Variants in CTNNA3 observed in about 807,000 individuals in gnomAD.
CTNNA3 encodes catenin alpha-3.
CTNNA3 carries 76 observed loss-of-function variants against 95.7 expected under a neutral mutation model. The observed-to-expected ratio is 0.79, with a 90% CI of 0.66 to 0.96. The LOEUF is 0.96. Among genes scored for constraint, CTNNA3 ranks in the 40% least tolerant of loss-of-function variants. The pLI, the probability that CTNNA3 is intolerant of heterozygous loss-of-function variation, is 0.00. For missense variants in CTNNA3, 1,191 were observed against 1,089.8 expected (o/e 1.09, Z -1.31); for synonymous variants, 431 against 374.4 (o/e 1.15, Z -1.74).
intron 11 of CTNNA3, among the ~76,000 whole-genome samples, chr10:66,501,819 C>G (rs2131965987): frequency 6.6e-6 from 1 of 152,148 alleles, no homozygotes; most frequent in African/African-American, 2.4e-5. Flanking sequence ...GTCTGTCATG[C>G]AGATTTGCTT....
At chr10:66,861,034 C>G (rs1451574354) in intron 7 of CTNNA3, among the ~76,000 whole-genome samples, 1 of 152,168 alleles carries the variant, frequency 6.6e-6, no homozygotes, top group East Asian at 1.9e-4. Context: ...TCAGGGAATT[C>G]ATTGCAGTCA....
rs189551466 is a variant in CTNNA3, at chr10:66,444,697, C to T, written c.1532-65345G>A. 5.0e-3 allele frequency among the ~76,000 whole-genome samples: 768 copies of T among 152,262 alleles called. 16 individuals are homozygous for T. Among genetic ancestry groups the T allele is most frequent in the African/African-American group, 0.018 (746 of 41,550 alleles). On this transcript the variant is annotated intron_variant, in intron 11 of 17. Transcript: ENST00000433211. ...AAGCACTAAACATGGAAAGCAACAACCGGTACCAGCCACTGCAAAAACATA... is the reference window on the plus strand; with the variant it reads ...AAGCACTAAACATGGAAAGCAACAATCGGTACCAGCCACTGCAAAAACATA...
At chr10:67,199,396 G>C (rs755018885) in intron 6 of CTNNA3, among the ~76,000 whole-genome samples, 5 of 151,766 alleles carry the variant, frequency 3.3e-5, no homozygotes, top group Non-Finnish European at 5.9e-5. Flanking sequence ...TCCAGATGGA[G>C]TTTCGCTCTG....
intron 14 of CTNNA3, among the ~76,000 whole-genome samples, chr10:66,094,947 G>T (rs1243033515): frequency 6.6e-6 from 1 of 152,132 alleles, no homozygotes; most frequent in African/African-American, 2.4e-5. Context: ...CCTGAGTTTA[G>T]ATTTGTGCAA....
intron 5 of CTNNA3, among the ~76,000 whole-genome samples, chr10:67,235,396 A>C (rs1865407948): frequency 6.6e-6 from 1 of 152,236 alleles, no homozygotes; most frequent in Admixed American, 6.5e-5. Context: ...CAAACCTGAG[A>C]AAAACAAACA....
rs180780439 is a variant in CTNNA3, at chr10:66,414,084, T to C, written c.1532-34732A>G. On this transcript the variant is annotated intron_variant, in intron 11 of 17. Coordinates refer to ENST00000433211, the MANE Select transcript of CTNNA3 (RefSeq NM_013266.4). ...ATTCTCCTAAATTTATTCTTCTTTT[T>C]TGTTTGTTTATTGGTGAAACAAAAG... Among the ~76,000 whole-genome samples the C allele has an allele frequency of 4.6e-3, 701 of 152,276 alleles. 4 individuals carry two copies. The highest frequency in any genetic ancestry group is 7.1e-3 in the Admixed American group (109 of 15,290).
intron 7 of CTNNA3, among the ~76,000 whole-genome samples, chr10:66,780,401 TATAATAG>T (rs1309925509): frequency 3.5e-5 from 3 of 86,392 alleles, no homozygotes; most frequent in African/African-American, 1.2e-4. Context: ...TTAAGGACTC[TATAATAG>T]AGTAACCTGG....
At position 66,422,671 on chromosome 10, in the gene CTNNA3, A is replaced by G. The variant is rs1029467355; in HGVS notation, c.1532-43319T>C. ...AGAAATGCTATGTTTATTTTTCAAC[A>G]TTGCAGATATCGCTTTGATTTTTTC... On this transcript the variant is annotated intron_variant, in intron 11 of 17. Transcript: ENST00000433211. 2.0e-5 allele frequency among the ~76,000 whole-genome samples: 3 copies of G among 152,262 alleles called. No individual in the cohort carries two copies. The East Asian group carries it at 5.8e-4, about 29-fold the overall frequency.
intron 5 of CTNNA3, among the ~76,000 whole-genome samples, chr10:67,289,734 G>A (rs988108939): frequency 2.0e-5 from 3 of 151,838 alleles, no homozygotes; most frequent in African/African-American, 7.3e-5. Flanking sequence ...CAGGTAACAT[G>A]GATCCAACAA....
intron 9 of CTNNA3, among the ~76,000 whole-genome samples, chr10:66,739,176 T>G (rs1849246059): frequency 6.6e-6 from 1 of 152,212 alleles, no homozygotes; most frequent in Non-Finnish European, 1.5e-5. Flanking sequence ...CTGGATCCAT[T>G]CCATCTCTAC....
At chr10:66,897,168 TTATAA>T (rs1200967947) in intron 7 of CTNNA3, among the ~76,000 whole-genome samples, 16 of 152,178 alleles carry the variant, frequency 1.1e-4, no homozygotes, top group Admixed American at 6.5e-4. Flanking sequence ...CTAAATATTG[TTATAA>T]TATATTATTC....
chr10:65,947,598 G>C (rs1457163065), intron 17 of CTNNA3, among the ~76,000 whole-genome samples: 1 of 152,160 alleles, frequency 6.6e-6, no homozygotes, highest in Non-Finnish European at 1.5e-5. Flanking sequence ...GGCCTCATTA[G>C]TGAGATTCCA....
chr10:66,955,230 T>C (rs2132739428), intron 7 of CTNNA3, among the ~76,000 whole-genome samples: 1 of 151,870 alleles, frequency 6.6e-6, no homozygotes, highest in East Asian at 1.9e-4. Context: ...GACAGGAAAA[T>C]GGATGTTATA....
intron 17 of CTNNA3, among the ~76,000 whole-genome samples, chr10:65,949,973 C>A (rs1269280883): frequency 2.6e-5 from 4 of 151,886 alleles, no homozygotes; most frequent in Non-Finnish European, 5.9e-5. Context: ...AAGCCCCCCA[C>A]AACAAAGAAT....
At chr10:67,481,621 C>T (rs184094567) in intron 5 of CTNNA3, among the ~76,000 whole-genome samples, 3 of 152,234 alleles carry the variant, frequency 2.0e-5, no homozygotes, top group Non-Finnish European at 4.4e-5. Context: ...AACTACAAAA[C>T]ACTGCTCATT....
chr10:67,022,665 C>A (rs1023324218), intron 7 of CTNNA3, among the ~76,000 whole-genome samples: 2 of 152,100 alleles, frequency 1.3e-5, no homozygotes, highest in African/African-American at 4.8e-5. Flanking sequence ...AGGCCGGGCA[C>A]GGTGGTTCAT....
chr10:67,399,692 C>A (rs913253208), intron 5 of CTNNA3, among the ~76,000 whole-genome samples: 4 of 152,188 alleles, frequency 2.6e-5, no homozygotes, highest in African/African-American at 9.7e-5. Context: ...ATCCTGTCAA[C>A]TGTTGGAGAT....
At chr10:67,185,481 T>C (rs539283013) in intron 6 of CTNNA3, among the ~76,000 whole-genome samples, 5 of 152,172 alleles carry the variant, frequency 3.3e-5, no homozygotes, top group African/African-American at 7.2e-5. Flanking sequence ...CTGTCTTACA[T>C]GGGCAAAAAA....
At chr10:66,304,579 T>A (rs1421947201) in intron 12 of CTNNA3, among the ~76,000 whole-genome samples, 1 of 152,106 alleles carries the variant, frequency 6.6e-6, no homozygotes, top group East Asian at 1.9e-4. Context: ...ATTTATATAA[T>A]GGGGTAAAGC....
Sources: gnomAD v4.1 joint callset for allele counts (sites outside exome capture counted in the v4.1 genomes callset) on GRCh38, gnomAD v4.1.1 for gene constraint, MANE v1.5 for transcripts, NCBI Gene and HGNC (gene_info 2026-07-23, HGNC 2026-07-21) for gene names.